The following SLC25A13 variants were observed in gnomAD, a reference collection of about 807,000 sequenced individuals.
SLC25A13 encodes the protein electrogenic aspartate/glutamate antiporter SLC25A13, mitochondrial.
A neutral mutation model predicts 85.5 loss-of-function variants in SLC25A13; 70 were observed. The ratio of observed to expected loss-of-function variants is 0.82; its 90% CI spans 0.68 to 1.00. The LOEUF (loss-of-function observed/expected upper bound fraction) is 1.00. SLC25A13 is among the 50% of genes least tolerant of loss of function. The pLI is 0.00. For missense variants in SLC25A13, 765 were observed against 819.8 expected (o/e 0.93, Z 0.82); for synonymous variants, 259 against 288.7 (o/e 0.90, Z 1.04).
intron 14 of SLC25A13, among the ~76,000 whole-genome samples, chr7:96,134,812 T>TATATATATATATATATATATATATATAA (rs1554337568): frequency 3.4e-5 from 5 of 146,280 alleles, no homozygotes; most frequent in African/African-American, 1.0e-4. Flanking sequence ...TATATATATA[T>TATATATATATATATATATATATATATAA]AACCCTGAGG....
At position 96,139,524 on chromosome 7, in the gene SLC25A13, C is replaced by T. The variant is rs1252947628; in HGVS notation, c.1452+7032G>A. On this transcript the variant is annotated intron_variant, in intron 14 of 17. Transcript: ENST00000265631. ...GACTCCTTGAGGTATACTTGATACC[C>T]TCTCCTTAAATTTCTAAAAATCCTT... Among the ~76,000 whole-genome samples, 4 of 152,118 alleles carry T rather than the reference C, an allele frequency of 2.6e-5. No individual in the cohort carries two copies. The East Asian group carries it at 7.7e-4, about 29-fold the overall frequency.
chr7:96,289,384 G>A (rs4333519), intron 2 of SLC25A13, among the ~76,000 whole-genome samples: 101,932 of 152,110 alleles, frequency 0.67, 34,451 homozygotes, highest in African/African-American at 0.7. Flanking sequence ...GCTCCTCACC[G>A]GCAACGGAAC....
chr7:96,187,240 G>C lies in SLC25A13; in HGVS notation c.933+2054C>G, dbSNP rs970036295. Among the ~76,000 whole-genome samples, 5 of 152,254 alleles carry C rather than the reference G, an allele frequency of 3.3e-5. 1 individual carries two copies. The highest frequency in any genetic ancestry group is 6.8e-3 in the Middle Eastern group (2 of 294). ...TACATTCAATAAAATTTGTTTTTCA[G>C]AATCCATGATAATTAAAATCAGTGA... On this transcript the variant is annotated intron_variant, in intron 9 of 17. Coordinates refer to ENST00000265631, the MANE Select transcript of SLC25A13 (RefSeq NM_014251.3).
intron 2 of SLC25A13, among the ~76,000 whole-genome samples, chr7:96,294,108 T>G (rs976454334): frequency 9.2e-5 from 14 of 152,062 alleles, no homozygotes; most frequent in Non-Finnish European, 1.5e-5. Flanking sequence ...CCATAAAAAA[T>G]GATGAGTTCA....
intron 3 of SLC25A13, among the ~76,000 whole-genome samples, chr7:96,237,589 T>C (rs1437969827): frequency 6.6e-6 from 1 of 151,942 alleles, no homozygotes; most frequent in Non-Finnish European, 1.5e-5. Context: ...AAAGAACTGG[T>C]GTGGAAGATG....
chr7:96,294,470 G>T (rs1029246865), intron 2 of SLC25A13, among the ~76,000 whole-genome samples: 1 of 151,900 alleles, frequency 6.6e-6, no homozygotes, highest in Non-Finnish European at 1.5e-5. Context: ...TTAACTAGGC[G>T]TGGTGGTACA....
intron 13 of SLC25A13, among the ~76,000 whole-genome samples, chr7:96,161,165 A>T (rs1793495314): frequency 6.6e-6 from 1 of 152,164 alleles, no homozygotes; most frequent in Non-Finnish European, 1.5e-5. Context: ...TGTTCTTAAG[A>T]TTCTGAATAT....
chr7:96,253,431 T>A (rs555053381), intron 3 of SLC25A13, among the ~76,000 whole-genome samples: 37 of 152,292 alleles, frequency 2.4e-4, no homozygotes, highest in African/African-American at 7.9e-4. Flanking sequence ...ACCGAGCAAG[T>A]AACAACCCCA....
intron 4 of SLC25A13, among the ~76,000 whole-genome samples, chr7:96,222,302 C>G (rs1796161753): frequency 6.6e-6 from 1 of 152,216 alleles, no homozygotes. Flanking sequence ...ACTGGCAGAG[C>G]TGCAGTGGCG....
intron 1 of SLC25A13, among the ~76,000 whole-genome samples, chr7:96,321,716 C>T (rs2117049040): frequency 6.6e-6 from 1 of 152,332 alleles, no homozygotes; most frequent in East Asian, 1.9e-4. Flanking sequence ...AGTGTCCGGC[C>T]CACAAAGTTT....
At chr7:96,319,755 T>A (rs1800268377) in intron 1 of SLC25A13, among the ~76,000 whole-genome samples, 1 of 152,188 alleles carries the variant, frequency 6.6e-6, no homozygotes. Context: ...TTGATTTTTA[T>A]ATATCTTATT....
chr7:96,280,302 T>G (rs912211729), intron 2 of SLC25A13, among the ~76,000 whole-genome samples: 14 of 152,330 alleles, frequency 9.2e-5, no homozygotes, highest in African/African-American at 3.1e-4. Context: ...AAAAAGACAT[T>G]GAATTATTTT....
At chr7:96,268,302 T>C (rs553415318) in intron 3 of SLC25A13, among the ~76,000 whole-genome samples, 2 of 152,350 alleles carry the variant, frequency 1.3e-5, no homozygotes, top group South Asian at 4.1e-4. Context: ...GTAAGTTGTA[T>C]GAACAATGTA....
rs549519531 is a variant in SLC25A13, at chr7:96,204,991, C to G, written c.468+3847G>C. 1.2e-4 allele frequency among the ~76,000 whole-genome samples: 19 copies of G among 152,298 alleles called. No homozygotes were observed. The East Asian group carries it at 3.3e-3, about 26-fold the overall frequency. ...TGGCCTGATCTCAGCTCACTGCAAC[C>G]TCTGCCTCCTGGGTTCAGCGATTCT... On this transcript the variant is annotated intron_variant, in intron 5 of 17. Transcript: ENST00000265631.
chr7:96,198,185 C>T (rs1795132810), intron 5 of SLC25A13, among the ~76,000 whole-genome samples: 1 of 152,134 alleles, frequency 6.6e-6, no homozygotes, highest in South Asian at 2.1e-4. Flanking sequence ...CGGGAGAGCT[C>T]AGGTGATTGT....
chr7:96,156,767 A>C (rs891166354), intron 13 of SLC25A13, among the ~76,000 whole-genome samples: 1 of 151,876 alleles, frequency 6.6e-6, no homozygotes, highest in African/African-American at 2.4e-5. Context: ...GGCTGGTTTC[A>C]AATTCCTGAC....
At chr7:96,311,738 C>T (rs781572241) in intron 1 of SLC25A13, among the ~76,000 whole-genome samples, 8 of 152,048 alleles carry the variant, frequency 5.3e-5, no homozygotes, top group Non-Finnish European at 1.0e-4. Flanking sequence ...AAGAGAAGAA[C>T]TCAGACAAAT....
Position 96,227,484 on chromosome 7 carries a change from C to T in SLC25A13, c.328+7318G>A, listed in dbSNP as rs934524377. On this transcript the variant is annotated intron_variant, in intron 4 of 17. Transcript: ENST00000265631. ...GATAGTGAATAGGGCCAAGAATAGCCGAGATAATCTTAAAGAATAAAGTTG... is the reference window on the plus strand; with the variant it reads ...GATAGTGAATAGGGCCAAGAATAGCTGAGATAATCTTAAAGAATAAAGTTG... Among the ~76,000 whole-genome samples the T allele has an allele frequency of 2.6e-5, 4 of 151,948 alleles. No individual in the cohort carries two copies. The South Asian group carries it at 8.3e-4, about 32-fold the overall frequency.
rs750607799 is a variant in SLC25A13 at position 96,120,269 on chromosome 7, A to T, written c.*922T>A. On this transcript the variant is annotated 3_prime_UTR_variant, in exon 18 of 18. Coordinates refer to ENST00000265631, the MANE Select transcript of SLC25A13 (RefSeq NM_014251.3). ...ACCTTCACAAATTCATGCGCCTCTG[A>T]CCATTATGCAAGGCAACATGAATTA... 2.2e-6 allele frequency: 1 copy of T among 453,840 alleles called. No homozygotes were observed. The highest frequency in any genetic ancestry group is 1.6e-5 in the South Asian group (1 of 64,472). The allele number at this position is 453,840 out of a possible 1,614,324, so 28.1% of individuals were successfully genotyped here.
Sources: allele counts gnomAD v4.1 joint callset (sites outside exome capture counted in the v4.1 genomes callset), GRCh38; gene constraint gnomAD v4.1.1; transcripts MANE v1.5; gene names NCBI Gene and HGNC (gene_info 2026-07-23, HGNC 2026-07-21).